NEGR1: variants seen among roughly 807,000 people sequenced by gnomAD.
NEGR1 encodes IgLON family member 4.
Under a neutral mutation model 40.9 loss-of-function variants are expected in NEGR1, and 10 were observed. The observed-to-expected ratio is 0.24, with a 90% CI of 0.15 to 0.42. The LOEUF is 0.42. Among genes scored for constraint, NEGR1 ranks in the 10% least tolerant of loss-of-function variants. The pLI is 1.00. For synonymous variants in NEGR1, 185 were observed against 166.8 expected (o/e 1.11, Z -0.84); for missense variants, 352 against 438.9 (o/e 0.80, Z 1.77).
chr1:71,943,615 T>C (rs182689535), intron 1 of NEGR1, among the ~76,000 whole-genome samples: 3 of 152,110 alleles, frequency 2.0e-5, no homozygotes, highest in South Asian at 2.1e-4. Flanking sequence ...ATTTAACATA[T>C]AAATTAGCAT....
At chr1:71,590,694 A>T (rs1238705742) in intron 6 of NEGR1, among the ~76,000 whole-genome samples, 2 of 152,174 alleles carry the variant, frequency 1.3e-5, no homozygotes, top group African/African-American at 4.8e-5. Context: ...TGAGAATTAA[A>T]TGAACAAGTT....
At chr1:71,628,879 G>A (rs1650878611) in intron 4 of NEGR1, among the ~76,000 whole-genome samples, 1 of 152,080 alleles carries the variant, frequency 6.6e-6, no homozygotes, top group African/African-American at 2.4e-5. Context: ...AAATATATGT[G>A]TGCATGTGTC....
chr1:72,277,847 A>G (rs1309380393), intron 1 of NEGR1, among the ~76,000 whole-genome samples: 1 of 152,164 alleles, frequency 6.6e-6, no homozygotes, highest in African/African-American at 2.4e-5. Flanking sequence ...GAATAACTCA[A>G]CAGAAAATGT....
chr1:72,124,637 A>G, intron 1 of NEGR1, among the ~76,000 whole-genome samples: 1 of 152,040 alleles, frequency 6.6e-6, no homozygotes, highest in East Asian at 1.9e-4. Context: ...ATTAGCAGGG[A>G]CCTAATTCTA....
At chr1:72,134,644 CTTTTTTT>C (rs57127142) in intron 1 of NEGR1, among the ~76,000 whole-genome samples, 1 of 146,434 alleles carries the variant, frequency 6.8e-6, no homozygotes. Context: ...TAGAGGTTTC[CTTTTTTT>C]TTTTTTTTTA....
intron 6 of NEGR1, among the ~76,000 whole-genome samples, chr1:71,527,736 CT>C (rs35521162): frequency 4.1e-4 from 60 of 146,328 alleles, no homozygotes; most frequent in South Asian, 6.5e-4. Flanking sequence ...GACAATTGGA[CT>C]TTTTTTTTTA....
chr1:71,472,166 A>G (rs951733433), intron 6 of NEGR1, among the ~76,000 whole-genome samples: 1 of 152,148 alleles, frequency 6.6e-6, no homozygotes, highest in African/African-American at 2.4e-5. Flanking sequence ...TTTAAGATCT[A>G]TCATTGAGTC....
Position 71,792,108 on chromosome 1 carries a change from C to T in NEGR1, c.410-15811G>A, listed in dbSNP as rs548777326. 2.1e-3 allele frequency among the ~76,000 whole-genome samples: 324 copies of T among 152,138 alleles called. 3 individuals are homozygous for T. Among genetic ancestry groups the T allele is most frequent in the African/African-American group, 7.5e-3 (311 of 41,522 alleles). On this transcript the variant is annotated intron_variant, in intron 2 of 6. Transcript: ENST00000357731. ...GCAAAAACAAACATGTTGTAAATGG[C>T]TAGTGTATTCCTTCTGAGGGCCTGA...
At chr1:71,465,031 G>A (rs192490370) in intron 6 of NEGR1, among the ~76,000 whole-genome samples, 8 of 152,198 alleles carry the variant, frequency 5.3e-5, no homozygotes, top group Admixed American at 2.6e-4. Context: ...ATTTCTTCTG[G>A]AAGTCTAGGA....
intron 3 of NEGR1, among the ~76,000 whole-genome samples, chr1:71,773,433 A>G (rs1478135341): frequency 6.6e-6 from 1 of 152,176 alleles, no homozygotes; most frequent in Non-Finnish European, 1.5e-5. Flanking sequence ...TAATATAGCA[A>G]AAGAGGAGCT....
intron 6 of NEGR1, among the ~76,000 whole-genome samples, chr1:71,427,771 AAAAT>A (rs1423858743): frequency 7.2e-5 from 11 of 152,220 alleles, no homozygotes; most frequent in Admixed American, 7.2e-4. Context: ...TGCCAACTGT[AAAAT>A]AACACAATAT....
At chr1:71,855,262 C>T (rs534141378) in intron 2 of NEGR1, among the ~76,000 whole-genome samples, 1 of 152,102 alleles carries the variant, frequency 6.6e-6, no homozygotes, top group Non-Finnish European at 1.5e-5. Flanking sequence ...AAATCCCTGA[C>T]CTGCCAAGTG....
chr1:71,886,032 G>C (rs976419018), intron 2 of NEGR1, among the ~76,000 whole-genome samples: 1 of 152,256 alleles, frequency 6.6e-6, no homozygotes, highest in South Asian at 2.1e-4. Context: ...AAAGACGACA[G>C]CTTTTTCACT....
At chr1:72,060,822 C>T (rs1647160826) in intron 1 of NEGR1, among the ~76,000 whole-genome samples, 1 of 151,600 alleles carries the variant, frequency 6.6e-6, no homozygotes, top group African/African-American at 2.4e-5. Flanking sequence ...TTAAGCAGGG[C>T]TATTTTGACA....
intron 1 of NEGR1, among the ~76,000 whole-genome samples, chr1:71,971,207 T>A (rs1220476476): frequency 6.6e-6 from 1 of 152,202 alleles, no homozygotes; most frequent in Non-Finnish European, 1.5e-5. Context: ...GAGGTGTCAG[T>A]GTTAGCGTGG....
chr1:71,698,953 G>A (rs779829395), intron 3 of NEGR1, among the ~76,000 whole-genome samples: 1 of 151,764 alleles, frequency 6.6e-6, no homozygotes, highest in Non-Finnish European at 1.5e-5. Context: ...GAGTCATTGA[G>A]CAGGATCCTA....
At chr1:71,641,360 T>A (rs1651343325) in intron 4 of NEGR1, among the ~76,000 whole-genome samples, 1 of 152,004 alleles carries the variant, frequency 6.6e-6, no homozygotes, top group Non-Finnish European at 1.5e-5. Flanking sequence ...ATGAACCACA[T>A]TAAAAAAGAA....
At chr1:71,938,944 A>T (rs1043668732) in intron 1 of NEGR1, among the ~76,000 whole-genome samples, 6 of 152,144 alleles carry the variant, frequency 3.9e-5, no homozygotes, top group Admixed American at 6.6e-5. Flanking sequence ...TTCAAATCAG[A>T]TCATCAACAA....
chr1:71,597,218 T>A (rs1649740761), intron 5 of NEGR1, among the ~76,000 whole-genome samples: 2 of 152,174 alleles, frequency 1.3e-5, no homozygotes, highest in African/African-American at 4.8e-5. Flanking sequence ...AAATGAGGTT[T>A]TATTTGGTTA....
Sources: allele counts gnomAD v4.1 joint callset (sites outside exome capture counted in the v4.1 genomes callset), GRCh38; gene constraint gnomAD v4.1.1; transcripts MANE v1.5; gene names NCBI Gene and HGNC (gene_info 2026-07-23, HGNC 2026-07-21).